The following ARFGAP3 variants were observed in gnomAD, a reference collection of about 807,000 sequenced individuals.
ARFGAP3 encodes ADP-ribosylation factor GTPase-activating protein 3.
A neutral mutation model predicts 75.0 loss-of-function variants in ARFGAP3; 72 were observed. The ratio of observed to expected loss-of-function variants is 0.96; its 90% CI spans 0.79 to 1.17. The LOEUF (loss-of-function observed/expected upper bound fraction) is 1.17, where lower values mean the gene tolerates loss of function less well. Ranked by LOEUF, ARFGAP3 falls within the 50% of genes most tolerant of loss-of-function variation. The probability of loss-of-function intolerance (pLI) is 0.00; values close to 1 mark genes in which losing one functional copy is unlikely to be tolerated. For missense variants in ARFGAP3, 620 were observed against 626.6 expected (o/e 0.99, Z 0.11); for synonymous variants, 221 against 217.9 (o/e 1.01, Z -0.13).
chr22:42,829,219 T>C (rs1926178293), intron 6 of ARFGAP3, among the ~76,000 whole-genome samples: 1 of 152,168 alleles, frequency 6.6e-6, no homozygotes, highest in African/African-American at 2.4e-5. Context: ...GGACACACAG[T>C]GGACATGCAA....
chr22:42,806,744 C>G (rs947008870), intron 14 of ARFGAP3, among the ~76,000 whole-genome samples: 2 of 152,302 alleles, frequency 1.3e-5, no homozygotes, highest in South Asian at 2.1e-4. Context: ...GAGGATCACA[C>G]GGGAGCCCGG....
At chr22:42,845,012 T>C (rs750560034) in intron 2 of ARFGAP3, among the ~76,000 whole-genome samples, 9 of 152,104 alleles carry the variant, frequency 5.9e-5, no homozygotes, top group Non-Finnish European at 1.2e-4. Flanking sequence ...GAACACATCA[T>C]AAAACCACCC....
rs1184419480 is a variant in ARFGAP3, at chr22:42,809,693, AAAT to A, written c.1197-806_1197-804del. ...TAAAAAGATGAATTTTACTATATGT[AAAT>A]AATACCTTAAAATTGGGGGAAAAAA... On this transcript the variant is annotated intron_variant, in intron 12 of 15. Coordinates refer to ENST00000263245, the MANE Select transcript of ARFGAP3 (RefSeq NM_014570.5). Among the ~76,000 whole-genome samples the A allele has an allele frequency of 3.9e-5, 6 of 152,266 alleles. No homozygotes were observed. The South Asian group carries it at 8.3e-4, about 21-fold the overall frequency.
intron 6 of ARFGAP3, among the ~76,000 whole-genome samples, chr22:42,829,347 CAA>C (rs1284416573): frequency 6.6e-6 from 1 of 152,146 alleles, no homozygotes. Flanking sequence ...TGAACCCCAA[CAA>C]AGAGGCAACC....
intron 5 of ARFGAP3, 86 bp downstream of exon 5, chr22:42,834,156 G>T: frequency 4.0e-6 from 5 of 1,244,104 alleles, no homozygotes; most frequent in Non-Finnish European, 4.6e-6. Flanking sequence ...CAAGAGCTTA[G>T]CCTACATCCT....
Position 42,819,878 on chromosome 22 carries a change from T to A in ARFGAP3, c.813-2021A>T, listed in dbSNP as rs572489266. Among the ~76,000 whole-genome samples, 6 of 152,320 alleles carry A rather than the reference T, an allele frequency of 3.9e-5. No homozygotes were observed. The East Asian group carries it at 1.2e-3, about 29-fold the overall frequency. ...GGCAGTGGTGGTCATTAAGGCACAGTGGTGTGGTTGTTCTGAACAAGGCCA... is the reference window on the plus strand; with the variant it reads ...GGCAGTGGTGGTCATTAAGGCACAGAGGTGTGGTTGTTCTGAACAAGGCCA... On this transcript the variant is annotated intron_variant, in intron 9 of 15. Coordinates refer to ENST00000263245, the MANE Select transcript of ARFGAP3 (RefSeq NM_014570.5).
intron 11 of ARFGAP3, among the ~76,000 whole-genome samples, chr22:42,816,227 T>G (rs1925573637): frequency 6.6e-6 from 1 of 152,228 alleles, no homozygotes; most frequent in Non-Finnish European, 1.5e-5. Flanking sequence ...ATTCTAAACG[T>G]GCTATAGCAT....
intron 11 of ARFGAP3, among the ~76,000 whole-genome samples, chr22:42,816,634 G>A (rs117790325): frequency 0.01 from 1,532 of 152,322 alleles, 11 homozygotes; most frequent in Admixed American, 0.018. Flanking sequence ...AGTGAGTGCT[G>A]AAGGAGAGAA....
At position 42,849,672 on chromosome 22, in the gene ARFGAP3, A is replaced by AC. The variant is rs1927186209; in HGVS notation, c.70-2041dup. On this transcript the variant is annotated intron_variant, in intron 1 of 15. Transcript: ENST00000263245. Reference sequence around the variant, plus strand: ...TCGAACTCTTGAGCTCGAGCCATCCACCCCCCTCAGCCTCCTAAGCAGTTA... The same window carrying AC: ...TCGAACTCTTGAGCTCGAGCCATCCACCCCCCCTCAGCCTCCTAAGCAGTTA... Among the ~76,000 whole-genome samples the AC allele has an allele frequency of 3.4e-5, 5 of 145,802 alleles. No homozygotes were observed. In the East Asian group the frequency reaches 8.1e-4, roughly 24 times the overall value.
intron 1 of ARFGAP3, among the ~76,000 whole-genome samples, chr22:42,850,990 A>G (rs921123852): frequency 6.6e-6 from 1 of 152,216 alleles, no homozygotes; most frequent in Non-Finnish European, 1.5e-5. Flanking sequence ...GGTGATGGCC[A>G]TTAGGAGAAC....
intron 7 of ARFGAP3, 37 bp downstream of exon 7, chr22:42,826,903 C>T: frequency 6.3e-7 from 1 of 1,588,478 alleles, no homozygotes; most frequent in Non-Finnish European, 8.6e-7. Flanking sequence ...ATGAGTCATA[C>T]ACTTTAAATC....
At chr22:42,814,551 C>G (rs761148174) in intron 11 of ARFGAP3, among the ~76,000 whole-genome samples, 1 of 152,166 alleles carries the variant, frequency 6.6e-6, no homozygotes, top group Non-Finnish European at 1.5e-5. Flanking sequence ...GGGTCTAACT[C>G]TTTTGATTAA....
At position 42,845,446 on chromosome 22, in the gene ARFGAP3, A is replaced by T. The variant is rs1212553042; in HGVS notation, c.188+2068T>A. Among the ~76,000 whole-genome samples, 7 of 151,292 alleles carry T rather than the reference A, an allele frequency of 4.6e-5. No individual in the cohort carries two copies. In the East Asian group the frequency reaches 1.4e-3, roughly 29 times the overall value. On this transcript the variant is annotated intron_variant, in intron 2 of 15. Coordinates refer to ENST00000263245, the MANE Select transcript of ARFGAP3 (RefSeq NM_014570.5). Reference sequence around the variant, plus strand: ...AGACTGAGGGCAGGAGAATCATTTGAATCTGGGAGGCGGAAGTTGAGGTGA... The same window carrying T: ...AGACTGAGGGCAGGAGAATCATTTGTATCTGGGAGGCGGAAGTTGAGGTGA...
At chr22:42,802,472 T>G (rs1386000593) in intron 14 of ARFGAP3, among the ~76,000 whole-genome samples, 2 of 150,472 alleles carry the variant, frequency 1.3e-5, no homozygotes. Flanking sequence ...TTTTGTATTT[T>G]TTAGTAGAGA....
chr22:42,816,116 A>T (rs912404184), intron 11 of ARFGAP3, among the ~76,000 whole-genome samples: 8 of 152,170 alleles, frequency 5.3e-5, no homozygotes, highest in Non-Finnish European at 1.5e-5. Context: ...TCTATCTCAT[A>T]AACAAACAAA....
intron 8 of ARFGAP3, among the ~76,000 whole-genome samples, chr22:42,822,809 A>AT (rs946934568): frequency 2.3e-4 from 35 of 150,746 alleles, no homozygotes; most frequent in African/African-American, 3.9e-4. Flanking sequence ...CTTACTTTTT[A>AT]TTTTTTTTTA....
chr22:42,821,774 T>C (rs1397991726), intron 9 of ARFGAP3, among the ~76,000 whole-genome samples: 3 of 152,240 alleles, frequency 2.0e-5, no homozygotes, highest in Non-Finnish European at 4.4e-5. Flanking sequence ...CTGGGTCACA[T>C]GGAAACTTTA....
intron 1 of ARFGAP3, 66 bp downstream of exon 1, chr22:42,857,048 C>A: frequency 6.9e-7 from 1 of 1,449,906 alleles, no homozygotes; most frequent in Non-Finnish European, 9.1e-7. Flanking sequence ...GCACTGGCGC[C>A]CGCGGGGCCT....
At chr22:42,814,025 G>C (rs936108914) in intron 11 of ARFGAP3, among the ~76,000 whole-genome samples, 1 of 152,100 alleles carries the variant, frequency 6.6e-6, no homozygotes, top group Non-Finnish European at 1.5e-5. Context: ...TAGAGCTATA[G>C]ACAGTTGTCT....
Sources: allele counts gnomAD v4.1 joint callset (sites outside exome capture counted in the v4.1 genomes callset), GRCh38; gene constraint gnomAD v4.1.1; transcripts MANE v1.5; gene names NCBI Gene and HGNC (gene_info 2026-07-23, HGNC 2026-07-21).